The following PRKG1 variants were observed in gnomAD, a reference collection of about 807,000 sequenced individuals.
The protein encoded by PRKG1 is cGMP-dependent protein kinase 1.
PRKG1 carries 35 observed loss-of-function variants against 88.1 expected under a neutral mutation model. The observed-to-expected ratio is 0.40, with a 90% confidence interval of 0.30 to 0.53. PRKG1 has a LOEUF of 0.53. PRKG1 is among the 20% of genes least tolerant of loss of function. The probability of loss-of-function intolerance (pLI) is 0.59; values close to 1 mark genes in which losing one functional copy is unlikely to be tolerated. For synonymous variants in PRKG1, 303 were observed against 292.5 expected, an observed-to-expected ratio of 1.04 and a Z score of -0.37; for missense variants, 540 against 839.8, an observed-to-expected ratio of 0.64 and a Z score of 4.41.
chr10:51,670,818 A>T (rs1483976370), intron 3 of PRKG1, among the ~76,000 whole-genome samples: 1 of 151,788 alleles, frequency 6.6e-6, no homozygotes, highest in African/African-American at 2.4e-5. Flanking sequence ...AATCAACAAC[A>T]AAAGTACAAC....
At chr10:51,388,511 A>G (rs887765644) in intron 2 of PRKG1, among the ~76,000 whole-genome samples, 1 of 152,232 alleles carries the variant, frequency 6.6e-6, no homozygotes, top group Non-Finnish European at 1.5e-5. Flanking sequence ...TAGCTTACCA[A>G]AGGCCCTATG....
At chr10:51,056,287 C>G (rs1277355166) in intron 1 of PRKG1, among the ~76,000 whole-genome samples, 3 of 152,168 alleles carry the variant, frequency 2.0e-5, no homozygotes, top group Non-Finnish European at 2.9e-5. Context: ...AAGAGGAGCC[C>G]TAGCTCTGTG....
At position 51,392,949 on chromosome 10, in the gene PRKG1, G is replaced by C. The variant is rs1261136784; in HGVS notation, c.479-74774G>C. On this transcript the variant is annotated intron_variant, in intron 2 of 17. Coordinates refer to ENST00000373980, the MANE Select transcript of PRKG1 (RefSeq NM_006258.4). ...CCCTCCCGGACGGGGCGGCTGGCCG[G>C]GCTGAGGGCTGACCCCCCACCTCCC... Among the ~76,000 whole-genome samples the C allele has an allele frequency of 5.7e-5, 4 of 70,654 alleles. 1 individual carries two copies. Among genetic ancestry groups the C allele is most frequent in the Non-Finnish European group, 1.5e-4 (4 of 25,992 alleles). The allele number at this position is 70,654 out of a possible 152,430, so 46.4% of individuals were successfully genotyped here.
chr10:50,991,248 G>A lies in PRKG1; in HGVS notation c.-131G>A. ...CCGCATTAGGGGCGCACTCCGCCGCGCTCGAGTACTTAGCGCCCATTCACT... is the reference window on the plus strand; with the variant it reads ...CCGCATTAGGGGCGCACTCCGCCGCACTCGAGTACTTAGCGCCCATTCACT... On this transcript the variant is annotated 5_prime_UTR_variant, in exon 1 of 18. Coordinates refer to the PRKG1 transcript ENST00000401604. This position sits in a 1 kb window ranked among gnomAD's most constrained non-coding sequence, Gnocchi z 4.5. 7.5e-7 allele frequency: 1 copy of A among 1,334,112 alleles called. No homozygotes were observed. The highest frequency in any genetic ancestry group is 9.9e-7 in the Non-Finnish European group (1 of 1,010,868). 82.6% of individuals were successfully genotyped at this position (1,334,112 alleles called of 1,614,324 possible). A position where few individuals can be genotyped will look rare whatever the true frequency, so the allele number is the denominator to read the frequency against.
chr10:51,215,413 C>T (rs1376366843), intron 2 of PRKG1, among the ~76,000 whole-genome samples: 1 of 152,118 alleles, frequency 6.6e-6, no homozygotes, highest in Non-Finnish European at 1.5e-5. Flanking sequence ...GAAAGCTGGT[C>T]TCCATGGAGG....
intron 3 of PRKG1, among the ~76,000 whole-genome samples, chr10:51,512,215 T>C (rs1345468136): frequency 1.3e-5 from 2 of 150,368 alleles, no homozygotes; most frequent in African/African-American, 4.9e-5. Context: ...TTATTATACT[T>C]TAAGTTTTAG....
chr10:51,668,937 C>A (rs752405077), intron 3 of PRKG1, among the ~76,000 whole-genome samples: 7 of 152,102 alleles, frequency 4.6e-5, no homozygotes, highest in African/African-American at 1.7e-4. Context: ...TACATCATTT[C>A]ATTTATCCTC....
At chr10:51,689,117 A>G (rs968565521) in intron 3 of PRKG1, among the ~76,000 whole-genome samples, 2 of 152,144 alleles carry the variant, frequency 1.3e-5, no homozygotes, top group Admixed American at 6.5e-5. Flanking sequence ...GCCACGTGGA[A>G]CTGTGAGTTC....
At chr10:51,274,058 A>G (rs950493796) in intron 2 of PRKG1, among the ~76,000 whole-genome samples, 5 of 152,174 alleles carry the variant, frequency 3.3e-5, no homozygotes, top group African/African-American at 1.2e-4. Flanking sequence ...TAAATAAAAT[A>G]CCATTCATGT....
chr10:51,273,901 G>A (rs1274786380), intron 2 of PRKG1, among the ~76,000 whole-genome samples: 1 of 152,214 alleles, frequency 6.6e-6, no homozygotes, highest in Non-Finnish European at 1.5e-5. Flanking sequence ...TAGACAGCAT[G>A]AGGCGCCTGC....
chr10:51,815,934 C>T (rs1025405581), intron 4 of PRKG1, among the ~76,000 whole-genome samples: 1 of 152,188 alleles, frequency 6.6e-6, no homozygotes, highest in Non-Finnish European at 1.5e-5. Flanking sequence ...GTTGTGAACA[C>T]TCCCTTTACC....
chr10:51,160,743 T>C (rs374322329), intron 2 of PRKG1, among the ~76,000 whole-genome samples: 2 of 152,346 alleles, frequency 1.3e-5, no homozygotes, highest in Non-Finnish European at 2.9e-5. Flanking sequence ...CCTTTTTTAC[T>C]GTTGGGGGGA....
chr10:51,415,191 C>T lies in PRKG1; in HGVS notation c.479-52532C>T, dbSNP rs184971190. On this transcript the variant is annotated intron_variant, in intron 2 of 17. Coordinates refer to ENST00000373980, the MANE Select transcript of PRKG1 (RefSeq NM_006258.4). ...TATGCTGCCTCTCTGCAGTAGCATC[C>T]GTTTAGTGAATACATAGTATGTGCC... Among the ~76,000 whole-genome samples the T allele has an allele frequency of 1.2e-3, 178 of 152,282 alleles. 2 individuals carry two copies. Among genetic ancestry groups the T allele is most frequent in the African/African-American group, 3.7e-3 (152 of 41,564 alleles).
intron 5 of PRKG1, among the ~76,000 whole-genome samples, chr10:51,952,746 A>G (rs1440203355): frequency 6.6e-6 from 1 of 152,188 alleles, no homozygotes; most frequent in Admixed American, 6.5e-5. Context: ...GTCACTTACT[A>G]ATTATGTAGC....
intron 9 of PRKG1, among the ~76,000 whole-genome samples, chr10:52,196,238 G>A (rs753866265): frequency 1.3e-5 from 2 of 151,982 alleles, no homozygotes; most frequent in Non-Finnish European, 2.9e-5. Context: ...GGATGGTCTC[G>A]ATCTCCTGAC....
chr10:52,155,607 G>GA (rs1177587515), intron 8 of PRKG1, among the ~76,000 whole-genome samples: 2 of 151,188 alleles, frequency 1.3e-5, no homozygotes, highest in African/African-American at 2.4e-5. Flanking sequence ...TGAAATAACT[G>GA]AAAAAAAATC....
chr10:51,883,212 C>T (rs2132884432), intron 4 of PRKG1, among the ~76,000 whole-genome samples: 1 of 152,310 alleles, frequency 6.6e-6, no homozygotes, highest in African/African-American at 2.4e-5. Context: ...CCATTAGCTC[C>T]CCTGGATCTC....
chr10:51,150,026 T>C (rs1367746364), intron 1 of PRKG1, among the ~76,000 whole-genome samples: 2 of 152,020 alleles, frequency 1.3e-5, no homozygotes, highest in Non-Finnish European at 2.9e-5. Context: ...GCCACACATT[T>C]TGGGCATGAA....
intron 1 of PRKG1, among the ~76,000 whole-genome samples, chr10:51,010,541 A>G (rs145691601): frequency 1.8e-4 from 28 of 152,316 alleles, no homozygotes; most frequent in African/African-American, 5.8e-4. Context: ...CCTAACTATA[A>G]TATAAACAAA....
Sources: gnomAD v4.1 joint callset for allele counts (sites outside exome capture counted in the v4.1 genomes callset) on GRCh38, gnomAD v4.1.1 for gene constraint, Gnocchi (gnomAD v3.1) non-coding constraint, MANE v1.5 for transcripts, NCBI Gene and HGNC (gene_info 2026-07-23, HGNC 2026-07-21) for gene names.